TRAPPC9: variants seen among roughly 807,000 people sequenced by gnomAD.
TRAPPC9 encodes trafficking protein particle complex subunit 9, also known as IKK2 binding protein.
TRAPPC9 carries 83 observed loss-of-function variants against 124.0 expected under a neutral mutation model. The observed-to-expected ratio is 0.67, with a 90% CI of 0.56 to 0.80. The LOEUF (loss-of-function observed/expected upper bound fraction) is 0.80. TRAPPC9 is among the 30% of genes least tolerant of loss of function. The probability of loss-of-function intolerance (pLI) is 0.00; values close to 1 mark genes in which losing one functional copy is unlikely to be tolerated. For missense variants in TRAPPC9, 1,302 were observed against 1,508.3 expected, an observed-to-expected ratio of 0.86 and a Z score of 2.27; for synonymous variants, 638 against 617.5, an observed-to-expected ratio of 1.03 and a Z score of -0.49.
chr8:139,734,113 G>A (rs1285199957), intron 21 of TRAPPC9, among the ~76,000 whole-genome samples: 1 of 152,220 alleles, frequency 6.6e-6, no homozygotes, highest in African/African-American at 2.4e-5. Context: ...CTGGCTCAGA[G>A]CCTCTAGGCC....
intron 9 of TRAPPC9, among the ~76,000 whole-genome samples, chr8:140,314,143 G>C (rs961311381): frequency 2.6e-5 from 4 of 152,180 alleles, no homozygotes; most frequent in African/African-American, 9.7e-5. Flanking sequence ...CTGGAACGCA[G>C]ACAACACAGA....
intron 19 of TRAPPC9, among the ~76,000 whole-genome samples, chr8:139,925,821 G>GCACA (rs745416331): frequency 1.4e-4 from 21 of 146,056 alleles, no homozygotes; most frequent in African/African-American, 5.5e-4. Flanking sequence ...ACACGCACAC[G>GCACA]CACACGCACA....
intron 17 of TRAPPC9, among the ~76,000 whole-genome samples, chr8:140,210,366 G>A (rs1423368670): frequency 2.0e-5 from 3 of 152,226 alleles, no homozygotes; most frequent in South Asian, 2.1e-4. Flanking sequence ...AACTCCAGGC[G>A]CAGGGCCCAG....
intron 19 of TRAPPC9, among the ~76,000 whole-genome samples, chr8:139,970,952 ACGGCAACCCCAC>A (rs1836022166): frequency 6.6e-6 from 1 of 151,634 alleles, no homozygotes; most frequent in Non-Finnish European, 1.5e-5. Flanking sequence ...GAGTGAGTGA[ACGGCAACCCCAC>A]CTGCCCTGTG....
intron 5 of TRAPPC9, among the ~76,000 whole-genome samples, chr8:140,425,042 C>T (rs1007593878): frequency 1.3e-5 from 2 of 152,184 alleles, no homozygotes; most frequent in Admixed American, 6.5e-5. Flanking sequence ...AATCAAATTG[C>T]ATTGCTCCTA....
At position 140,439,233 on chromosome 8, in the gene TRAPPC9, A is replaced by G; in HGVS notation, c.585-36T>C. 4 of 1,609,912 alleles carry G rather than the reference A, an allele frequency of 2.5e-6. No homozygotes were observed. In the South Asian group the frequency reaches 3.3e-5, roughly 13 times the overall value. ...CATGAAAATGTATCTTTATTACTAT[A>G]CAACTCCCACCCAGAAAGCACTCTG... On this transcript the variant is annotated intron_variant, in intron 2 of 22. Transcript: ENST00000438773.
intron 7 of TRAPPC9, among the ~76,000 whole-genome samples, chr8:140,386,813 C>T (rs2068766304): frequency 6.6e-6 from 1 of 152,156 alleles, no homozygotes; most frequent in South Asian, 2.1e-4. Context: ...TTGGAAAAAA[C>T]TACTCTAAAG....
intron 21 of TRAPPC9, among the ~76,000 whole-genome samples, chr8:139,861,262 C>T (rs1828126796): frequency 6.6e-6 from 1 of 152,166 alleles, no homozygotes; most frequent in Non-Finnish European, 1.5e-5. Context: ...TGCAGGTAGC[C>T]TCTACTGCTG....
At chr8:140,313,509 A>G (rs537688879) in intron 9 of TRAPPC9, among the ~76,000 whole-genome samples, 17 of 152,342 alleles carry the variant, frequency 1.1e-4, no homozygotes, top group African/African-American at 3.8e-4. Context: ...ATTTCATTAG[A>G]GAACCCCCGT....
At chr8:139,838,500 G>A (rs1269658015) in intron 21 of TRAPPC9, among the ~76,000 whole-genome samples, 1 of 152,222 alleles carries the variant, frequency 6.6e-6, no homozygotes, top group Non-Finnish European at 1.5e-5. Flanking sequence ...GCCATGGAAG[G>A]GCCCTTTCTG....
intron 5 of TRAPPC9, among the ~76,000 whole-genome samples, chr8:140,407,175 G>C (rs983289641): frequency 2.0e-5 from 3 of 152,200 alleles, no homozygotes; most frequent in African/African-American, 7.2e-5. Flanking sequence ...ATCCTACAGA[G>C]ATTAAATCTC....
chr8:139,873,638 G>C (rs1829140514), intron 21 of TRAPPC9, among the ~76,000 whole-genome samples: 3 of 152,196 alleles, frequency 2.0e-5, no homozygotes, highest in Admixed American at 2.0e-4. Context: ...CAAGTAAATG[G>C]GAGGGGGTGT....
At chr8:139,774,884 G>A (rs536881470) in intron 21 of TRAPPC9, among the ~76,000 whole-genome samples, 20 of 152,312 alleles carry the variant, frequency 1.3e-4, no homozygotes, top group African/African-American at 3.4e-4. Flanking sequence ...GGGAGTGCCC[G>A]GAGGGGGACA....
intron 17 of TRAPPC9, among the ~76,000 whole-genome samples, chr8:140,130,225 A>C (rs918246727): frequency 6.6e-6 from 1 of 151,996 alleles, no homozygotes; most frequent in African/African-American, 2.4e-5. Context: ...AAAGGGATGC[A>C]CAGACCGGAA....
chr8:139,979,352 C>A (rs1183670898), intron 19 of TRAPPC9, among the ~76,000 whole-genome samples: 1 of 152,180 alleles, frequency 6.6e-6, no homozygotes, highest in South Asian at 2.1e-4. Flanking sequence ...ACTCACCCGC[C>A]CACTCGCAAG....
chr8:139,947,676 A>G (rs1257950946), intron 19 of TRAPPC9, among the ~76,000 whole-genome samples: 1 of 151,712 alleles, frequency 6.6e-6, no homozygotes, highest in African/African-American at 2.4e-5. Flanking sequence ...CCTGGCCAAC[A>G]TGGGGAAACC....
intron 18 of TRAPPC9, among the ~76,000 whole-genome samples, chr8:140,004,525 G>A (rs1236271097): frequency 6.6e-6 from 1 of 152,098 alleles, no homozygotes; most frequent in Non-Finnish European, 1.5e-5. Flanking sequence ...CTCCAATGGG[G>A]ATAACAACGC....
rs75423611 is a variant in TRAPPC9, at chr8:139,964,457, G to C, written c.2810+24269C>G. Among the ~76,000 whole-genome samples, 1,063 of 152,198 alleles carry C rather than the reference G, an allele frequency of 7.0e-3. 13 individuals carry two copies. The highest frequency in any genetic ancestry group is 0.024 in the African/African-American group (1,015 of 41,532). On this transcript the variant is annotated intron_variant, in intron 19 of 22. Transcript: ENST00000438773. ...CCTCCGCCTTGGAGAAGATTCAGTG[G>C]CTATGATCTAAGAAGCCGAAAGCCA...
chr8:139,913,253 G>A (rs531727390), intron 19 of TRAPPC9, among the ~76,000 whole-genome samples: 2 of 152,352 alleles, frequency 1.3e-5, no homozygotes, highest in South Asian at 4.1e-4. Context: ...AAAACAAAAT[G>A]TAAGGAGCAC....
Sources: allele counts gnomAD v4.1 joint callset (sites outside exome capture counted in the v4.1 genomes callset), GRCh38; gene constraint gnomAD v4.1.1; transcripts MANE v1.5; gene names NCBI Gene and HGNC (gene_info 2026-07-23, HGNC 2026-07-21).